The following IMMP2L variants were observed in gnomAD, a reference collection of about 807,000 sequenced individuals.
IMMP2L encodes mitochondrial inner membrane protease subunit 2.
IMMP2L carries 18 observed loss-of-function variants against 19.3 expected under a neutral mutation model. The observed-to-expected ratio is 0.93, with a 90% confidence interval of 0.64 to 1.38. The LOEUF is 1.38. Ranked by LOEUF, IMMP2L falls within the 40% of genes most tolerant of loss-of-function variation. The pLI is 0.00. For missense variants in IMMP2L, 233 were observed against 218.2 expected (o/e 1.07, Z -0.43); for synonymous variants, 76 against 73.0 (o/e 1.04, Z -0.21).
chr7:110,805,176 CT>C (rs1801540323), intron 5 of IMMP2L, among the ~76,000 whole-genome samples: 1 of 152,052 alleles, frequency 6.6e-6, no homozygotes, highest in Non-Finnish European at 1.5e-5. Context: ...AACAAAGGTG[CT>C]CAAGAAGTGT....
In IMMP2L at chr7:111,006,061, T is replaced by C. The variant is rs138136399; in HGVS notation, c.240-42496A>G. ...AACCTCCTGCCAGTTCTCAAGGGGC[T>C]CATCTGAGTCTGAGCCTAGAAGGCA... is the stretch of plus-strand genomic sequence containing the variant. On this transcript the variant is annotated intron_variant, in intron 3 of 5. Coordinates refer to ENST00000405709, the MANE Select transcript of IMMP2L (RefSeq NM_032549.4). 1.6e-4 allele frequency among the ~76,000 whole-genome samples: 25 copies of C among 152,254 alleles called. No individual in the cohort carries two copies. The South Asian group carries it at 2.3e-3, about 14-fold the overall frequency.
intron 5 of IMMP2L, among the ~76,000 whole-genome samples, chr7:110,772,457 G>A (rs1330190137): frequency 6.6e-6 from 1 of 152,064 alleles, no homozygotes; most frequent in Non-Finnish European, 1.5e-5. Context: ...GCACTATCCT[G>A]CCCAGGGACT....
intron 3 of IMMP2L, among the ~76,000 whole-genome samples, chr7:111,185,514 G>T (rs1346190157): frequency 6.6e-6 from 1 of 152,124 alleles, no homozygotes; most frequent in Admixed American, 6.6e-5. Context: ...TCTACAGGTT[G>T]TGAGCATATT....
intron 3 of IMMP2L, among the ~76,000 whole-genome samples, chr7:111,064,318 T>C (rs983680917): frequency 1.3e-5 from 2 of 152,036 alleles, no homozygotes; most frequent in African/African-American, 4.8e-5. Context: ...CAAAATGAGA[T>C]TTGGGTGAGG....
At chr7:111,058,114 C>T (rs1793679624) in intron 3 of IMMP2L, among the ~76,000 whole-genome samples, 1 of 152,096 alleles carries the variant, frequency 6.6e-6, no homozygotes, top group African/African-American at 2.4e-5. Context: ...TAAATTTCCA[C>T]AAACACATGA....
intron 1 of IMMP2L, among the ~76,000 whole-genome samples, chr7:111,556,307 CTT>C (rs1791355352): frequency 6.6e-6 from 1 of 151,842 alleles, no homozygotes; most frequent in African/African-American, 2.4e-5. Context: ...TTTAGCTACT[CTT>C]GTCATACACA....
At position 111,269,281 on chromosome 7, in the gene IMMP2L, C is replaced by A. The variant is rs143467528; in HGVS notation, c.239+217957G>T. ...TCTTTTTCATATTATTATATTGTCT[C>A]ATCATGCTAAGACACTATATAAATA... On this transcript the variant is annotated intron_variant, in intron 3 of 5. Transcript: ENST00000405709. 4.4e-3 allele frequency among the ~76,000 whole-genome samples: 676 copies of A among 152,278 alleles called. 5 individuals are homozygous for A. The highest frequency in any genetic ancestry group is 0.01 in the Middle Eastern group (3 of 294).
chr7:111,330,950 G>C (rs890443870), intron 3 of IMMP2L, among the ~76,000 whole-genome samples: 1 of 151,918 alleles, frequency 6.6e-6, no homozygotes, highest in Non-Finnish European at 1.5e-5. Context: ...AGGATGTGGA[G>C]AAAAGGGAAT....
At chr7:110,741,303 A>C (rs1248018798) in intron 5 of IMMP2L, among the ~76,000 whole-genome samples, 1 of 152,254 alleles carries the variant, frequency 6.6e-6, no homozygotes, top group African/African-American at 2.4e-5. Flanking sequence ...GAAATAAAAA[A>C]TAATAAAATA....
intron 5 of IMMP2L, among the ~76,000 whole-genome samples, chr7:110,829,812 G>A (rs1803805166): frequency 6.6e-6 from 1 of 152,122 alleles, no homozygotes; most frequent in Admixed American, 6.6e-5. Context: ...GAAGGCTCCT[G>A]GAGGTTGTAG....
intron 3 of IMMP2L, among the ~76,000 whole-genome samples, chr7:110,978,403 G>T (rs1350875552): frequency 6.6e-6 from 1 of 151,958 alleles, no homozygotes; most frequent in African/African-American, 2.4e-5. Context: ...GCACAAATTG[G>T]ATTGTTGGAA....
intron 4 of IMMP2L, among the ~76,000 whole-genome samples, chr7:110,899,249 GT>G (rs1360673206): frequency 6.6e-6 from 1 of 152,094 alleles, no homozygotes; most frequent in Non-Finnish European, 1.5e-5. Flanking sequence ...CCACTAGAAT[GT>G]GGTTAAATTT....
At chr7:111,299,060 C>G (rs1203050485) in intron 3 of IMMP2L, among the ~76,000 whole-genome samples, 1 of 151,986 alleles carries the variant, frequency 6.6e-6, no homozygotes, top group Non-Finnish European at 1.5e-5. Flanking sequence ...GCCTACATAC[C>G]TCACTATTTG....
chr7:110,984,047 G>A (rs1319536490), intron 3 of IMMP2L, among the ~76,000 whole-genome samples: 1 of 151,844 alleles, frequency 6.6e-6, no homozygotes, highest in East Asian at 1.9e-4. Context: ...CTCTCAAAGG[G>A]ATTTGGATAT....
intron 3 of IMMP2L, among the ~76,000 whole-genome samples, chr7:111,313,474 T>C (rs562813948): frequency 6.6e-6 from 1 of 152,308 alleles, no homozygotes; most frequent in South Asian, 2.1e-4. Context: ...TTTTATCTTC[T>C]AACCATTTAT....
intron 5 of IMMP2L, among the ~76,000 whole-genome samples, chr7:110,801,744 T>C (rs1463369294): frequency 6.6e-6 from 1 of 152,108 alleles, no homozygotes; most frequent in Non-Finnish European, 1.5e-5. Flanking sequence ...ACTGAGGTCC[T>C]GTACACAGGC....
chr7:111,192,666 C>T (rs184812538), intron 3 of IMMP2L, among the ~76,000 whole-genome samples: 10 of 152,174 alleles, frequency 6.6e-5, no homozygotes, highest in African/African-American at 1.2e-4. Flanking sequence ...GAGAACAGAG[C>T]TCAGGAGAAA....
At chr7:111,219,450 T>G (rs976642938) in intron 3 of IMMP2L, among the ~76,000 whole-genome samples, 2 of 152,052 alleles carry the variant, frequency 1.3e-5, no homozygotes, top group Non-Finnish European at 2.9e-5. Flanking sequence ...CTGCATTGGT[T>G]TGAGCTATTG....
intron 3 of IMMP2L, among the ~76,000 whole-genome samples, chr7:110,975,736 A>C (rs1411603436): frequency 3.9e-5 from 6 of 152,116 alleles, no homozygotes; most frequent in Non-Finnish European, 2.9e-5. Context: ...CCTTCATATG[A>C]GTCAAGAGAC....
Sources: allele counts gnomAD v4.1 joint callset (sites outside exome capture counted in the v4.1 genomes callset), GRCh38; gene constraint gnomAD v4.1.1; transcripts MANE v1.5; gene names NCBI Gene and HGNC (gene_info 2026-07-23, HGNC 2026-07-21).